The following ETV1 variants were observed in gnomAD, a reference collection of about 807,000 sequenced individuals.
ETV1 encodes the protein ETS translocation variant 1.
A neutral mutation model predicts 62.3 loss-of-function variants in ETV1; 27 were observed. That is an observed-to-expected ratio of 0.43 (90% confidence interval 0.32 to 0.60). The LOEUF (loss-of-function observed/expected upper bound fraction) is 0.60, where lower values mean the gene tolerates loss of function less well. Ranked by LOEUF, ETV1 falls within the 20% of genes least tolerant of loss-of-function variation. The pLI is 0.06. For missense variants in ETV1, 605 were observed against 605.8 expected (o/e 1.00, Z 0.01); for synonymous variants, 222 against 199.6 (o/e 1.11, Z -0.94).
intron 5 of ETV1, among the ~76,000 whole-genome samples, chr7:13,977,687 T>C (rs1161559070): frequency 6.6e-6 from 1 of 152,070 alleles, no homozygotes; most frequent in Non-Finnish European, 1.5e-5. Context: ...CTAGGAACCA[T>C]ATATATGTCA....
chr7:13,909,450 G>A (rs748061582), intron 11 of ETV1, among the ~76,000 whole-genome samples, 182 bp downstream of exon 11: 7 of 152,118 alleles, frequency 4.6e-5, no homozygotes, highest in Non-Finnish European at 8.8e-5. Flanking sequence ...CAAAAGAAAA[G>A]GTTTCCTACT....
rs1781386369 is a variant in ETV1 at position 13,891,596 on chromosome 7, G to A, written c.*4270C>T. ...CTGTTTTTTTTTTAAGTATGTCAAA[G>A]TGAGTCTCATGTATATAAAAAAAGA... is the stretch of plus-strand genomic sequence containing the variant. On this transcript the variant is annotated 3_prime_UTR_variant, in exon 14 of 14. Coordinates refer to ENST00000430479, the MANE Select transcript of ETV1 (RefSeq NM_004956.5). The A allele has an allele frequency of 4.3e-6, 1 of 231,132 alleles. No homozygotes were observed. Among genetic ancestry groups the A allele is most frequent in the African/African-American group, 2.2e-5 (1 of 45,140 alleles). 14.3% of individuals were successfully genotyped at this position (231,132 alleles called of 1,614,324 possible). A position where few individuals can be genotyped will look rare whatever the true frequency, so the allele number is the denominator to read the frequency against.
intron 12 of ETV1, chr7:13,906,182 G>A (rs1782938726): frequency 3.0e-6 from 1 of 330,734 alleles, no homozygotes. Context: ...AAATAAAGGT[G>A]CAAAGCATGC....
chr7:13,986,057 A>T, intron 5 of ETV1: 216 of 1,185,692 alleles, frequency 1.8e-4, no homozygotes, highest in Non-Finnish European at 2.4e-4. Context: ...ACATTTTTAA[A>T]ATCCTCATAT....
At chr7:13,988,789 AG>A (rs756637874) in intron 3 of ETV1, 3 of 1,606,822 alleles carry the variant, frequency 1.9e-6, no homozygotes, top group Non-Finnish European at 2.5e-6. Context: ...AATCAGAAAA[AG>A]GGGTCTTAAA....
rs1442372291 is a variant in ETV1 at position 13,939,182 on chromosome 7, G to C, written c.300C>G (p.Ser100Arg). 3.1e-6 allele frequency: 5 copies of C among 1,613,146 alleles called. No homozygotes were observed. The African/African-American group carries it at 6.7e-5, about 22-fold the overall frequency. The change falls in exon 7 of 14, where the codon AGC becomes AGG. Residue 100 changes from serine (S) to arginine (R), a missense_variant. Around this residue, in one of 3 missense-constraint regions of ETV1, gnomAD observed 426 missense variants for 377.8 expected, o/e 1.13. Coordinates refer to ENST00000430479, the MANE Select transcript of ETV1 (RefSeq NM_004956.5). ...KEPHSPCSEI[S>R]SACSQEQPFK... ...AGGGCTGTTCTTGACTGCAGGCAGA[G>C]CTGATTTCTGAACATGGACTGTGGG...
chr7:13,897,330 G>A (rs1001902383), intron 13 of ETV1, among the ~76,000 whole-genome samples: 4 of 152,178 alleles, frequency 2.6e-5, no homozygotes, highest in African/African-American at 9.6e-5. Flanking sequence ...GTGTTCCTGG[G>A]TTATAAAGTA....
chr7:13,971,626 G>C (rs1003496728), intron 6 of ETV1, among the ~76,000 whole-genome samples: 6 of 151,992 alleles, frequency 3.9e-5, no homozygotes, highest in African/African-American at 1.5e-4. Flanking sequence ...CATAACCCTG[G>C]GACTTATGCA....
At chr7:13,942,662 T>A (rs918910579) in intron 6 of ETV1, among the ~76,000 whole-genome samples, 41 of 152,148 alleles carry the variant, frequency 2.7e-4, no homozygotes, top group African/African-American at 9.4e-4. Context: ...ATATCCAAGT[T>A]TTAGCACTTC....
At chr7:13,926,511 A>G (rs1785442840) in intron 9 of ETV1, among the ~76,000 whole-genome samples, 1 of 152,224 alleles carries the variant, frequency 6.6e-6, no homozygotes, top group South Asian at 2.1e-4. Flanking sequence ...ACTCTAAGAA[A>G]ATAGGATACT....
chr7:13,962,056 G>A (rs528791587), intron 6 of ETV1, among the ~76,000 whole-genome samples: 3 of 151,958 alleles, frequency 2.0e-5, no homozygotes, highest in Non-Finnish European at 2.9e-5. Context: ...TATTATGAAT[G>A]TTATGTTTTG....
chr7:13,971,399 G>A (rs1035013110), intron 6 of ETV1, among the ~76,000 whole-genome samples: 3 of 152,236 alleles, frequency 2.0e-5, no homozygotes, highest in East Asian at 1.9e-4. Flanking sequence ...ACAAGGGTCT[G>A]TCTGGATGAT....
Position 13,895,911 on chromosome 7 carries a change from C to G in ETV1, c.1389G>C (p.Gly463=), listed in dbSNP as rs538683499. The G allele has an allele frequency of 1.2e-6, 2 of 1,613,612 alleles. No individual in the cohort carries two copies. The highest frequency in any genetic ancestry group is 1.3e-5 in the African/African-American group (1 of 74,916). ...TGTAGGGGTGGGGGTTGCAGCAGCC[C>G]CCTTCCGGCATGTAGGCCATGCTCT... ...FDESMAYMPE[G]GCCNPHPYNE... Residue 463 remains glycine, a synonymous_variant, in exon 14 of 14, where the codon GGG becomes GGC. Transcript: ENST00000430479.
intron 3 of ETV1, chr7:13,988,780 A>T (rs777200657): frequency 6.2e-7 from 1 of 1,609,372 alleles, no homozygotes; most frequent in East Asian, 2.2e-5. Flanking sequence ...GGGCACTTTA[A>T]TCAGAAAAAG....
intron 6 of ETV1, among the ~76,000 whole-genome samples, chr7:13,961,288 T>C (rs1201278919): frequency 2.0e-5 from 3 of 152,180 alleles, no homozygotes; most frequent in Non-Finnish European, 4.4e-5. Flanking sequence ...ATTGGAAAAG[T>C]AGCTATTTTA....
At position 13,953,612 on chromosome 7, in the gene ETV1, G is replaced by A. The variant is rs1325158483; in HGVS notation, c.236-14366C>T. 3.3e-5 allele frequency among the ~76,000 whole-genome samples: 5 copies of A among 151,746 alleles called. No individual in the cohort carries two copies. The East Asian group carries it at 9.7e-4, about 29-fold the overall frequency. ...GCCTGCAGAATGTGCAGACACCAGA[G>A]GTGCTTTGTCCTGGCTACTGAGTGA... On this transcript the variant is annotated intron_variant, in intron 6 of 13. Coordinates refer to ENST00000430479, the MANE Select transcript of ETV1 (RefSeq NM_004956.5).
At chr7:13,954,117 G>C (rs1007658628) in intron 6 of ETV1, among the ~76,000 whole-genome samples, 1 of 151,960 alleles carries the variant, frequency 6.6e-6, no homozygotes, top group Non-Finnish European at 1.5e-5. Context: ...TACTAAAAAG[G>C]CATTTCTAAG....
At chr7:13,919,695 A>G (rs1038314716) in intron 9 of ETV1, among the ~76,000 whole-genome samples, 3 of 152,148 alleles carry the variant, frequency 2.0e-5, no homozygotes, top group Non-Finnish European at 4.4e-5. Context: ...GTTTTATGAA[A>G]TAAAATGTCT....
intron 6 of ETV1, among the ~76,000 whole-genome samples, chr7:13,968,463 C>T (rs1435058815): frequency 6.6e-6 from 1 of 151,188 alleles, no homozygotes; most frequent in Non-Finnish European, 1.5e-5. Context: ...CTAGAGCATA[C>T]TTTACTAAAA....
Sources: allele counts gnomAD v4.1 joint callset (sites outside exome capture counted in the v4.1 genomes callset), GRCh38; gene constraint gnomAD v4.1.1; regional missense constraint gnomAD v4.1.1; transcripts MANE v1.5; gene names NCBI Gene and HGNC (gene_info 2026-07-23, HGNC 2026-07-21).